The following ZNF638 variants were observed in gnomAD, a reference collection of about 807,000 sequenced individuals.
ZNF638 encodes the protein CTCL tumor antigen se33-1.
In ZNF638, 46 loss-of-function variants were observed where a neutral mutation model predicts 195.6. The observed-to-expected ratio is 0.24, with a 90% confidence interval of 0.19 to 0.30. ZNF638 has a LOEUF of 0.30. ZNF638 is among the 10% of genes least tolerant of loss of function. ZNF638 has a pLI of 1.00. For synonymous variants in ZNF638, 845 were observed against 772.0 expected, an observed-to-expected ratio of 1.09 and a Z score of -1.57; for missense variants, 2,440 against 2,325.3, an observed-to-expected ratio of 1.05 and a Z score of -1.01.
At chr2:71,355,636 ATTAT>A (rs1180580282) in intron 2 of ZNF638, 79 bp from the exon 3 acceptor site, 21 of 987,582 alleles carry the variant, frequency 2.1e-5, no homozygotes, top group Admixed American at 5.7e-5. Flanking sequence ...TGAACAAAAT[ATTAT>A]TTGTCTTTTT....
Position 71,426,998 on chromosome 2 carries a change from A to G in ZNF638, c.5129A>G (p.Asn1710Ser), listed in dbSNP as rs185145365. 7 of 1,612,500 alleles carry G rather than the reference A, an allele frequency of 4.3e-6. No homozygotes were observed. The East Asian group carries it at 1.3e-4, about 31-fold the overall frequency. The part of the protein sequence containing the change: ...ITFATLNTKG[N>S]EGDTVRDSIG... The stretch of plus-strand genomic sequence containing the variant: ...TTTGCCACTTTAAATACTAAAGGAA[A>G]TGAAGGAGATACTGTAAGGGATTCC... Residue 1710 changes from asparagine to serine, a missense_variant, in exon 24 of 28, where the codon AAT (asparagine) becomes AGT (serine). Around this residue, in one of 5 missense-constraint regions of ZNF638, gnomAD observed 1,883 missense variants for 1,739.1 expected, o/e 1.08. Coordinates refer to ENST00000264447, the MANE Select transcript of ZNF638 (RefSeq NM_014497.5).
intron 10 of ZNF638, chr2:71,395,364 G>A (rs907788490): frequency 4.2e-6 from 3 of 710,402 alleles, no homozygotes; most frequent in Non-Finnish European, 5.3e-6. Flanking sequence ...AGATGTAGGA[G>A]ATCAGTCAGG....
intron 1 of ZNF638, among the ~76,000 whole-genome samples, chr2:71,341,123 A>G (rs1558827538): frequency 6.6e-6 from 1 of 152,236 alleles, no homozygotes; most frequent in Non-Finnish European, 1.5e-5. Context: ...TGGAGATCTC[A>G]GAAATACCTC....
intron 1 of ZNF638, among the ~76,000 whole-genome samples, chr2:71,336,399 A>C (rs935097112): frequency 2.9e-5 from 4 of 139,320 alleles, no homozygotes; most frequent in East Asian, 2.1e-4. Context: ...AAAAAAAAAA[A>C]ACCAAAAAAA....
At chr2:71,377,336 A>G (rs17749675) in intron 8 of ZNF638, among the ~76,000 whole-genome samples, 1 of 151,928 alleles carries the variant, frequency 6.6e-6, no homozygotes, top group African/African-American at 2.4e-5. Flanking sequence ...CTGCATTTCA[A>G]CCTTGTGCAA....
chr2:71,431,042 C>T (rs756413506), intron 25 of ZNF638: 16 of 248,582 alleles, frequency 6.4e-5, no homozygotes, highest in Non-Finnish European at 1.3e-4. Context: ...AGTTCTCTTG[C>T]CAGTAATGAT....
chr2:71,429,657 T>C (rs796238948), intron 25 of ZNF638, among the ~76,000 whole-genome samples: 5 of 152,226 alleles, frequency 3.3e-5, no homozygotes, highest in African/African-American at 9.6e-5. Context: ...CCACCTACTT[T>C]TACGTCTTAA....
In ZNF638 at chr2:71,364,985, T is replaced by C. The variant is rs146014766; in HGVS notation, c.1718-444T>C. The stretch of plus-strand genomic sequence containing the variant: ...CATTAAAATGTGTGGAAGAAGGTAC[T>C]ATAGTGCTACACATTTCACTAATTT... On this transcript the variant is annotated intron_variant, in intron 5 of 27. Coordinates refer to ENST00000264447, the MANE Select transcript of ZNF638 (RefSeq NM_014497.5). Among the ~76,000 whole-genome samples the C allele has an allele frequency of 2.6e-5, 4 of 152,348 alleles. No homozygotes were observed. In the East Asian group the frequency reaches 7.7e-4, roughly 29 times the overall value.
At position 71,424,057 on chromosome 2, in the gene ZNF638, A is replaced by G. The variant is rs377200632; in HGVS notation, c.4524+19A>G. 2 of 1,605,318 alleles carry G rather than the reference A, an allele frequency of 1.2e-6. No individual in the cohort carries two copies. The highest frequency in any genetic ancestry group is 8.5e-7 in the Non-Finnish European group (1 of 1,175,418). Reference sequence around the variant, plus strand: ...CAATAAGGTGAGGAGGGTAGGAAGAATGGCACAGTGTGTCTTTGAAGTGAT... The same window carrying G: ...CAATAAGGTGAGGAGGGTAGGAAGAGTGGCACAGTGTGTCTTTGAAGTGAT... On this transcript the variant is annotated intron_variant, in intron 22 of 27. Transcript: ENST00000264447.
At chr2:71,409,770 CTT>C (rs1254762081) in intron 20 of ZNF638, among the ~76,000 whole-genome samples, 2 of 152,120 alleles carry the variant, frequency 1.3e-5, no homozygotes, top group Admixed American at 1.3e-4. Context: ...TCTTGTGACT[CTT>C]TTCTAAATTT....
intron 10 of ZNF638, among the ~76,000 whole-genome samples, chr2:71,383,032 T>G (rs1158693553): frequency 6.6e-6 from 1 of 152,206 alleles, no homozygotes; most frequent in Non-Finnish European, 1.5e-5. Flanking sequence ...TGAGTTGTAG[T>G]TAATGTTTGG....
At chr2:71,396,384 AAAT>A (rs768732005) in intron 11 of ZNF638, among the ~76,000 whole-genome samples, 193 bp downstream of exon 11, 33 of 152,208 alleles carry the variant, frequency 2.2e-4, no homozygotes, top group Non-Finnish European at 4.0e-4. Context: ...GTAATTATTG[AAAT>A]AATTAACTGG....
At chr2:71,429,342 C>T (rs1444933946) in intron 25 of ZNF638, among the ~76,000 whole-genome samples, 1 of 152,190 alleles carries the variant, frequency 6.6e-6, no homozygotes, top group Non-Finnish European at 1.5e-5. Flanking sequence ...CAGGTGGGCT[C>T]TCAGTGCTGC....
At chr2:71,388,595 G>A (rs780188193) in intron 10 of ZNF638, 18 of 780,542 alleles carry the variant, frequency 2.3e-5, no homozygotes, top group South Asian at 8.1e-5. Context: ...CTGTGTCTGC[G>A]TACTTTTTTC....
chr2:71,344,289 T>TA (rs1312618092), intron 1 of ZNF638, among the ~76,000 whole-genome samples: 2 of 152,228 alleles, frequency 1.3e-5, no homozygotes, highest in Admixed American at 6.5e-5. Flanking sequence ...CTGAGGGAGA[T>TA]ACGTTCTAAG....
rs41285973 is a variant in ZNF638 at position 71,368,472 on chromosome 2, T to G, written c.2086T>G (p.Leu696Val). ...DGCTEEDVRK[L>V]FQPFGKVNDV... is the part of the protein sequence containing the mutation. ...TTGTACTGAAGAAGATGTGAGAAAA[T>G]TATTTCAACCATTTGGGAAAGTGAA... The change falls in exon 7 of 28, where the codon TTA becomes GTA. Residue 696 changes from leucine (L) to valine (V), a missense_variant. Physicochemically the swap from Leu to Val is conservative, Grantham distance 32. Transcript: ENST00000264447. 9.2e-4 allele frequency: 1,480 copies of G among 1,613,614 alleles called. 1 individual carries two copies. Among genetic ancestry groups the G allele is most frequent in the Non-Finnish European group, 1.2e-3 (1,431 of 1,179,774 alleles).
intron 10 of ZNF638, 191 bp downstream of exon 10, chr2:71,380,756 T>C (rs2079521876): frequency 7.0e-6 from 3 of 430,270 alleles, no homozygotes; most frequent in Non-Finnish European, 1.2e-5. Context: ...ACTTCTGGAG[T>C]AAATACAACA....
chr2:71,417,782 GC>G (rs956858731), intron 20 of ZNF638, among the ~76,000 whole-genome samples: 2 of 151,908 alleles, frequency 1.3e-5, no homozygotes, highest in Non-Finnish European at 2.9e-5. Flanking sequence ...TAGGATATAA[GC>G]TAGACTTATC....
intron 5 of ZNF638, among the ~76,000 whole-genome samples, chr2:71,364,954 G>T (rs1016435947): frequency 1.3e-5 from 2 of 152,090 alleles, no homozygotes; most frequent in Non-Finnish European, 2.9e-5. Context: ...CTTCTTTTAA[G>T]CTCAACATTA....
Sources: allele counts gnomAD v4.1 joint callset (sites outside exome capture counted in the v4.1 genomes callset), GRCh38; gene constraint gnomAD v4.1.1; regional missense constraint gnomAD v4.1.1; transcripts MANE v1.5; gene names NCBI Gene and HGNC (gene_info 2026-07-23, HGNC 2026-07-21).